UBE2E2: variants seen among roughly 807,000 people sequenced by gnomAD.
UBE2E2 encodes ubiquitin conjugating enzyme E2 E2.
UBE2E2 carries 6 observed loss-of-function variants against 24.7 expected under a neutral mutation model. That is an observed-to-expected ratio of 0.24 (90% CI 0.13 to 0.48). The LOEUF (loss-of-function observed/expected upper bound fraction) is 0.48, where lower values mean the gene tolerates loss of function less well. Ranked by LOEUF, UBE2E2 falls within the 20% of genes least tolerant of loss-of-function variation. The pLI is 0.99. For synonymous variants in UBE2E2, 104 were observed against 83.6 expected, an observed-to-expected ratio of 1.24 and a Z score of -1.33; for missense variants, 169 against 245.0, an observed-to-expected ratio of 0.69 and a Z score of 2.07.
At chr3:23,225,664 C>A (rs910430554) in intron 3 of UBE2E2, among the ~76,000 whole-genome samples, 1 of 152,246 alleles carries the variant, frequency 6.6e-6, no homozygotes, top group South Asian at 2.1e-4. Context: ...TATGTCTGTT[C>A]TTATGTCAGT....
chr3:23,299,124 C>A (rs1430538189), intron 3 of UBE2E2, among the ~76,000 whole-genome samples: 2 of 152,150 alleles, frequency 1.3e-5, no homozygotes, highest in Admixed American at 1.3e-4. Context: ...TCTGTGGGAT[C>A]AGTGTTGATA....
At chr3:23,502,234 CTTTT>C (rs34962134) in intron 4 of UBE2E2, among the ~76,000 whole-genome samples, 4 of 143,870 alleles carry the variant, frequency 2.8e-5, no homozygotes, top group Admixed American at 7.0e-5. Context: ...CTCTTTTGCT[CTTTT>C]TTTTTTTTTC....
intron 3 of UBE2E2, among the ~76,000 whole-genome samples, chr3:23,415,803 G>A (rs1216956984): frequency 2.0e-5 from 3 of 151,982 alleles, no homozygotes; most frequent in African/African-American, 7.3e-5. Context: ...GTGCAGGTTT[G>A]TTACATAGGT....
intron 3 of UBE2E2, among the ~76,000 whole-genome samples, chr3:23,497,573 G>A (rs1305882571): frequency 6.6e-6 from 1 of 152,150 alleles, no homozygotes; most frequent in African/African-American, 2.4e-5. Flanking sequence ...AAATGCTCAT[G>A]GCATCATGTA....
intron 3 of UBE2E2, among the ~76,000 whole-genome samples, chr3:23,492,841 G>A (rs1036035713): frequency 7.9e-5 from 12 of 152,014 alleles, no homozygotes; most frequent in African/African-American, 2.7e-4. Context: ...AGCTATGTAT[G>A]TAATTTTAAA....
At chr3:23,222,873 A>G (rs1696694569) in intron 3 of UBE2E2, among the ~76,000 whole-genome samples, 1 of 152,172 alleles carries the variant, frequency 6.6e-6, no homozygotes, top group Non-Finnish European at 1.5e-5. Flanking sequence ...CATCCTTGCC[A>G]GCATCCGCTA....
chr3:23,273,184 A>G (rs1698292573), intron 3 of UBE2E2, among the ~76,000 whole-genome samples: 1 of 152,238 alleles, frequency 6.6e-6, no homozygotes, highest in Admixed American at 6.5e-5. Context: ...TTATATAGTA[A>G]GAAGCAATAT....
chr3:23,488,236 G>T (rs1234726673), intron 3 of UBE2E2, among the ~76,000 whole-genome samples: 1 of 150,540 alleles, frequency 6.6e-6, no homozygotes, highest in African/African-American at 2.4e-5. Flanking sequence ...TTAAGTTCTG[G>T]GATACGTGTG....
intron 3 of UBE2E2, among the ~76,000 whole-genome samples, chr3:23,231,785 C>T (rs1482802515): frequency 6.6e-6 from 1 of 152,160 alleles, no homozygotes; most frequent in Non-Finnish European, 1.5e-5. Flanking sequence ...TCACAGAACT[C>T]AGGGAACCAT....
intron 3 of UBE2E2, among the ~76,000 whole-genome samples, chr3:23,311,104 G>A (rs1273240993): frequency 3.3e-5 from 5 of 152,120 alleles, no homozygotes; most frequent in African/African-American, 9.7e-5. Context: ...GAGAACATGC[G>A]GTGTTTGGTT....
At chr3:23,338,006 T>C (rs796428757) in intron 3 of UBE2E2, among the ~76,000 whole-genome samples, 4 of 152,248 alleles carry the variant, frequency 2.6e-5, no homozygotes, top group African/African-American at 9.6e-5. Context: ...GGGAGAAAAG[T>C]GGGCAGTCTG....
At chr3:23,475,338 C>T (rs1699104561) in intron 3 of UBE2E2, among the ~76,000 whole-genome samples, 1 of 152,024 alleles carries the variant, frequency 6.6e-6, no homozygotes, top group Non-Finnish European at 1.5e-5. Context: ...AATTTCATAC[C>T]TGGCTGGCAT....
At chr3:23,334,194 G>A (rs1031190900) in intron 3 of UBE2E2, among the ~76,000 whole-genome samples, 5 of 152,226 alleles carry the variant, frequency 3.3e-5, no homozygotes, top group South Asian at 4.2e-4. Flanking sequence ...GCAAAACCTC[G>A]TAGTAATAAA....
At chr3:23,553,024 A>C (rs1390229297) in intron 5 of UBE2E2, among the ~76,000 whole-genome samples, 1 of 152,066 alleles carries the variant, frequency 6.6e-6, no homozygotes, top group Non-Finnish European at 1.5e-5. Context: ...TTGATTTTTA[A>C]TCTCCTTGAT....
At chr3:23,316,552 C>T (rs1170895488) in intron 3 of UBE2E2, among the ~76,000 whole-genome samples, 1 of 151,976 alleles carries the variant, frequency 6.6e-6, no homozygotes, top group East Asian at 1.9e-4. Flanking sequence ...AAATGCTGTC[C>T]AAGAGCCAAG....
At chr3:23,539,393 C>T (rs1268575784) in intron 5 of UBE2E2, among the ~76,000 whole-genome samples, 1 of 152,164 alleles carries the variant, frequency 6.6e-6, no homozygotes, top group East Asian at 1.9e-4. Context: ...TAAAACTAGA[C>T]TTTACCATAT....
chr3:23,495,386 C>T (rs756595473), intron 3 of UBE2E2, among the ~76,000 whole-genome samples: 4 of 152,158 alleles, frequency 2.6e-5, no homozygotes, highest in Non-Finnish European at 5.9e-5. Context: ...GGTAGTGACT[C>T]CTTATTTAGC....
intron 3 of UBE2E2, among the ~76,000 whole-genome samples, chr3:23,387,471 T>C (rs1311437220): frequency 6.6e-6 from 1 of 152,200 alleles, no homozygotes. Context: ...CCCTTTTTTA[T>C]CTATAGGACA....
intron 3 of UBE2E2, among the ~76,000 whole-genome samples, chr3:23,263,930 A>C (rs1697970165): frequency 6.6e-6 from 1 of 152,212 alleles, no homozygotes; most frequent in South Asian, 2.1e-4. Flanking sequence ...TCTAGATTAG[A>C]CAACTCAGAC....
Sources: gnomAD v4.1 joint callset for allele counts (sites outside exome capture counted in the v4.1 genomes callset) on GRCh38, gnomAD v4.1.1 for gene constraint, MANE v1.5 for transcripts, NCBI Gene and HGNC (gene_info 2026-07-23, HGNC 2026-07-21) for gene names.